RUVBL1: variants seen among roughly 807,000 people sequenced by gnomAD.
The protein encoded by RUVBL1 is ruvB-like 1.
Under a neutral mutation model 52.4 loss-of-function variants are expected in RUVBL1, and 4 were observed. The ratio of observed to expected loss-of-function variants is 0.08; its 90% CI spans 0.04 to 0.17. RUVBL1 has a LOEUF of 0.17. RUVBL1 is among the 10% of genes least tolerant of loss of function. The probability of loss-of-function intolerance (pLI) is 1.00; values close to 1 mark genes in which losing one functional copy is unlikely to be tolerated. For synonymous variants in RUVBL1, 217 were observed against 214.4 expected (o/e 1.01, Z -0.10); for missense variants, 298 against 572.8 (o/e 0.52, Z 4.90).
chr3:128,079,221 C>G (rs1942407822), downstream of RUVBL1, among the ~76,000 whole-genome samples: 1 of 152,254 alleles, frequency 6.6e-6, no homozygotes, highest in South Asian at 2.1e-4. Context: ...ACCTTCCCCA[C>G]ACCGGACCCC....
chr3:128,106,411 C>G (rs1043378724), intron 3 of RUVBL1, among the ~76,000 whole-genome samples: 4 of 152,142 alleles, frequency 2.6e-5, no homozygotes, highest in Non-Finnish European at 4.4e-5. Flanking sequence ...CTGAACCACT[C>G]TTTTTAGCTT....
At chr3:128,153,652 C>T in exon 1 of RUVBL1, 1 of 1,598,806 alleles carries the variant, frequency 6.3e-7, no homozygotes, top group Non-Finnish European at 8.5e-7. Context: ...CGGCATCACG[C>T]TCGATCTGGG....
intron 5 of RUVBL1, among the ~76,000 whole-genome samples, chr3:128,101,244 C>G (rs556276554): frequency 6.6e-6 from 1 of 152,226 alleles, no homozygotes; most frequent in Non-Finnish European, 1.5e-5. Context: ...AGATTAAATA[C>G]ACTGCACATT....
intron 4 of RUVBL1, among the ~76,000 whole-genome samples, chr3:128,103,486 T>A (rs1265060646): frequency 6.6e-6 from 1 of 152,218 alleles, no homozygotes; most frequent in Non-Finnish European, 1.5e-5. Context: ...ATGATCTCCA[T>A]AAAGCAGTGA....
intron 1 of RUVBL1, among the ~76,000 whole-genome samples, chr3:128,142,583 T>C (rs1300289934): frequency 6.6e-6 from 1 of 152,160 alleles, no homozygotes; most frequent in Non-Finnish European, 1.5e-5. Flanking sequence ...AAGTCCAAAA[T>C]GGGTCTCACT....
intron 1 of RUVBL1, among the ~76,000 whole-genome samples, chr3:128,137,523 A>G (rs1013971686): frequency 6.6e-6 from 1 of 152,234 alleles, no homozygotes; most frequent in African/African-American, 2.4e-5. Context: ...ACCAATAACA[A>G]GTAACAAGAT....
intron 4 of RUVBL1, among the ~76,000 whole-genome samples, chr3:128,103,280 T>C (rs954705075): frequency 6.6e-6 from 1 of 152,260 alleles, no homozygotes; most frequent in Non-Finnish European, 1.5e-5. Flanking sequence ...AGCATTTTTA[T>C]ATCGGTTAAT....
At position 128,081,505 on chromosome 3, in the gene RUVBL1, G is replaced by A. The variant is rs1224356061; in HGVS notation, c.1212-96C>T. On this transcript the variant is annotated intron_variant, in intron 10 of 10. Coordinates refer to ENST00000322623, the MANE Select transcript of RUVBL1 (RefSeq NM_003707.3). This position sits in a 1 kb window ranked among gnomAD's most constrained non-coding sequence, Gnocchi z 4.8. ...GTAGGCAGCACTGGCACCAGGAGCA[G>A]AGCCCAGTGCTGGGCTTGTGCCAGC... is the stretch of plus-strand genomic sequence containing the variant. The A allele has an allele frequency of 2.3e-6, 3 of 1,321,026 alleles. No individual in the cohort carries two copies. Among genetic ancestry groups the A allele is most frequent in the East Asian group, 2.4e-5 (1 of 41,666 alleles). The allele number at this position is 1,321,026 out of a possible 1,614,324, so 81.8% of individuals were successfully genotyped here.
Position 128,112,898 on chromosome 3 carries a change from G to A in RUVBL1, c.351C>T (p.Arg117=). The change falls in exon 3 of 11, where the codon CGC becomes CGT. Residue 117 remains arginine, a synonymous_variant. Coordinates refer to ENST00000322623, the MANE Select transcript of RUVBL1 (RefSeq NM_003707.3). ...TGTGACACTACTTACCAATGGCCCT[G>A]CGGAAGTTCTCCATCAGCACCTCTG... The part of the protein sequence containing the change: ...KKTEVLMENF[R]RAIGLRIKET... 6.2e-7 allele frequency: 1 copy of A among 1,613,750 alleles called. No homozygotes were observed. The highest frequency in any genetic ancestry group is 8.5e-7 in the Non-Finnish European group (1 of 1,179,930).
chr3:128,133,126 T>C (rs966459197), intron 1 of RUVBL1, among the ~76,000 whole-genome samples: 3 of 152,194 alleles, frequency 2.0e-5, no homozygotes, highest in African/African-American at 7.2e-5. Flanking sequence ...AGGCCTGGGT[T>C]GGTTGTGACC....
At chr3:128,074,298 A>G (rs1942246679) in intron 9 of RUVBL1, among the ~76,000 whole-genome samples, 1 of 152,220 alleles carries the variant, frequency 6.6e-6, no homozygotes, top group Non-Finnish European at 1.5e-5. Flanking sequence ...CAGGAGCTCA[A>G]AAGCTAAGTG....
intron 7 of RUVBL1, among the ~76,000 whole-genome samples, chr3:128,098,287 A>G (rs1943030865): frequency 1.3e-5 from 2 of 152,226 alleles, no homozygotes; most frequent in Admixed American, 6.5e-5. Context: ...GAAAAGAAAG[A>G]AACTGCTTCT....
At chr3:128,125,565 T>C (rs904355278), upstream of RUVBL1, among the ~76,000 whole-genome samples, 2 of 152,194 alleles carry the variant, frequency 1.3e-5, no homozygotes. Context: ...CAATTAAGGT[T>C]CTAGACCACA....
chr3:128,097,377 G>A lies in RUVBL1; in HGVS notation c.939C>T (p.Thr313=), dbSNP rs146429266. The A allele has an allele frequency of 8.7e-6, 14 of 1,614,200 alleles. No homozygotes were observed. In the African/African-American group the frequency reaches 1.7e-4, roughly 20 times the overall value. ...AAGACTCCAGGGCGCGGTGCAGGTA[G>A]GTGAAGCACTCAATGTCCAGCATGT... ...EVHMLDIECF[T]YLHRALESSI... Residue 313 remains threonine (T), a synonymous_variant, in exon 8 of 11, where the codon ACC becomes ACT. Transcript: ENST00000322623.
At position 128,110,403 on chromosome 3, in the gene RUVBL1, G is replaced by A. The variant is rs2107703880; in HGVS notation, c.361+2485C>T. On this transcript the variant is annotated intron_variant, in intron 3 of 10. Coordinates refer to ENST00000322623, the MANE Select transcript of RUVBL1 (RefSeq NM_003707.3). ...CCCCAGCTACTTGGGAGGCTGAGGT[G>A]GAAGAATCACTTGAGCCCAGGAGTT... Among the ~76,000 whole-genome samples the A allele has an allele frequency of 2.6e-5, 4 of 152,126 alleles. No homozygotes were observed. In the Middle Eastern group the frequency reaches 0.014, roughly 521 times the overall value.
intron 1 of RUVBL1, among the ~76,000 whole-genome samples, chr3:128,148,594 T>C (rs1944138432): frequency 6.6e-6 from 1 of 152,160 alleles, no homozygotes; most frequent in Non-Finnish European, 1.5e-5. Context: ...TGGGAGTCAA[T>C]GGCTTGTAAC....
chr3:128,123,559 C>CA (rs1254421007), intron 1 of RUVBL1, 25 bp downstream of exon 1: 1 of 1,571,934 alleles, frequency 6.4e-7, no homozygotes, highest in Non-Finnish European at 8.7e-7. Context: ...TTGCAGCCCC[C>CA]AACTCCCTGG....
exon 1 of RUVBL1, chr3:128,153,619 A>G: frequency 6.3e-7 from 1 of 1,596,772 alleles, no homozygotes; most frequent in Non-Finnish European, 8.5e-7. Flanking sequence ...CGCCTTTGAC[A>G]AGCAGCCGCA....
intron 1 of RUVBL1, among the ~76,000 whole-genome samples, chr3:128,130,570 G>C (rs929749472): frequency 2.8e-5 from 4 of 142,318 alleles, no homozygotes; most frequent in Non-Finnish European, 3.0e-5. Flanking sequence ...AGACCAGGTT[G>C]GGAAATAGCA....
Sources: gnomAD v4.1 joint callset for allele counts (sites outside exome capture counted in the v4.1 genomes callset) on GRCh38, gnomAD v4.1.1 for gene constraint, Gnocchi (gnomAD v3.1) non-coding constraint, MANE v1.5 for transcripts, NCBI Gene and HGNC (gene_info 2026-07-23, HGNC 2026-07-21) for gene names.